SLC13A4: variants seen among roughly 807,000 people sequenced by gnomAD.
SLC13A4 encodes Na(+)/sulfate cotransporter SUT-1.
In SLC13A4, 28 loss-of-function variants were observed where a neutral mutation model predicts 72.7. That is an observed-to-expected ratio of 0.39 (90% CI 0.29 to 0.53). The LOEUF (loss-of-function observed/expected upper bound fraction) is 0.53, where lower values mean the gene tolerates loss of function less well. Among genes scored for constraint, SLC13A4 ranks in the 20% least tolerant of loss-of-function variants. SLC13A4 has a pLI of 0.78. For synonymous variants in SLC13A4, 312 were observed against 325.5 expected (o/e 0.96, Z 0.45); for missense variants, 653 against 788.0 (o/e 0.83, Z 2.05).
chr7:135,722,234 A>G (rs1796563567), intron 1 of SLC13A4, among the ~76,000 whole-genome samples: 1 of 149,972 alleles, frequency 6.7e-6, no homozygotes, highest in Non-Finnish European at 1.5e-5. Flanking sequence ...CTACAGGACT[A>G]TAGAGTACAA....
Position 135,727,453 on chromosome 7 carries a change from A to G in SLC13A4, c.44T>C (p.Leu15Pro), listed in dbSNP as rs905709058. ...QGLLRVRKLL[L>P]VVCVPLLLLP... ...CAGCAGGAGCGGGACGCAGACGACC[A>G]GCAGCAGCTTCCGGACTCGGAGCAG... is the stretch of plus-strand genomic sequence containing the variant. The change falls in exon 1 of 16, where the codon CTG (leucine) becomes CCG (proline). Residue 15 changes from leucine to proline, a missense_variant. Physicochemically the swap from Leu to Pro is moderately conservative, Grantham distance 98 (BLOSUM62 -3). Coordinates refer to ENST00000682651, the MANE Select transcript of SLC13A4 (RefSeq NM_001318192.2). 37 of 1,550,408 alleles carry G rather than the reference A, an allele frequency of 2.4e-5. No individual in the cohort carries two copies. Among genetic ancestry groups the G allele is most frequent in the Non-Finnish European group, 2.8e-5 (32 of 1,146,928 alleles).
chr7:135,708,056 G>T (rs1296429556), intron 3 of SLC13A4, 58 bp downstream of exon 3: 35 of 1,583,710 alleles, frequency 2.2e-5, no homozygotes, highest in Non-Finnish European at 2.9e-5. Flanking sequence ...CACTGTCCTG[G>T]TGGCACACTG....
At chr7:135,701,143 T>C (rs73160724) in intron 7 of SLC13A4, among the ~76,000 whole-genome samples, 7,956 of 152,280 alleles carry the variant, frequency 0.052, 266 homozygotes, top group South Asian at 0.085. Flanking sequence ...CAATGATTGA[T>C]ACATAATAAG....
intron 8 of SLC13A4, 109 bp from the exon 9 acceptor site, chr7:135,695,596 AGATAAT>A: frequency 8.0e-7 from 1 of 1,253,706 alleles, no homozygotes; most frequent in Non-Finnish European, 1.1e-6. Context: ...CTAAGTGGGG[AGATAAT>A]GATAACGATA....
At position 135,695,536 on chromosome 7, in the gene SLC13A4, A is replaced by G. The variant is rs1328966872; in HGVS notation, c.900-49T>C. ...GCAATTAGAAAGGGAGGGTTTCCAT[A>G]TGGTATTTTGGGGTAGTATGCCAAA... On this transcript the variant is annotated intron_variant, in intron 8 of 15. Transcript: ENST00000682651. 2.3e-5 allele frequency: 36 copies of G among 1,587,290 alleles called. No homozygotes were observed. The South Asian group carries it at 3.4e-4, about 15-fold the overall frequency.
In SLC13A4 at chr7:135,701,746, C is replaced by T. The variant is rs1352744319; in HGVS notation, c.648G>A (p.Val216=). The T allele has an allele frequency of 3.1e-6, 5 of 1,613,768 alleles. No homozygotes were observed. The highest frequency in any genetic ancestry group is 4.2e-6 in the Non-Finnish European group (5 of 1,179,860). Residue 216 remains valine, a synonymous_variant, in exon 7 of 16, where the codon GTG becomes GTA. Coordinates refer to ENST00000682651, the MANE Select transcript of SLC13A4 (RefSeq NM_001318192.2). ...TTTTGATGGGGTTGGTGATCGAGGG[C>T]ACACCATTCAGGTTCTGTTGGGACA... ...TLMHNENLNG[V]PSITNPIKTA...
intron 9 of SLC13A4, among the ~76,000 whole-genome samples, chr7:135,694,842 A>G (rs901782495): frequency 6.6e-6 from 1 of 152,228 alleles, no homozygotes; most frequent in Non-Finnish European, 1.5e-5. Flanking sequence ...ACATGGACTA[A>G]TAGCAAAACA....
At chr7:135,726,967 T>C (rs926640623) in intron 1 of SLC13A4, among the ~76,000 whole-genome samples, 2 of 152,122 alleles carry the variant, frequency 1.3e-5, no homozygotes, top group Non-Finnish European at 2.9e-5. Flanking sequence ...CCCAACCTTC[T>C]CCTCAGTGCC....
At chr7:135,711,730 T>C (rs990489004) in intron 2 of SLC13A4, among the ~76,000 whole-genome samples, 3 of 152,156 alleles carry the variant, frequency 2.0e-5, no homozygotes, top group African/African-American at 7.2e-5. Flanking sequence ...CAGCATGAGC[T>C]GGCACACATT....
chr7:135,724,496 C>T (rs1796611120), intron 1 of SLC13A4, among the ~76,000 whole-genome samples: 1 of 80,602 alleles, frequency 1.2e-5, no homozygotes, highest in Admixed American at 1.6e-4. Context: ...GAGACTCTGT[C>T]TCAGAAAAAA....
At chr7:135,706,934 C>T (rs998358070) in intron 3 of SLC13A4, among the ~76,000 whole-genome samples, 2 of 152,234 alleles carry the variant, frequency 1.3e-5, no homozygotes, top group Non-Finnish European at 2.9e-5. Context: ...CTAATTATTT[C>T]TCTTTGGCTT....
At position 135,695,501 on chromosome 7, in the gene SLC13A4, A is replaced by G; in HGVS notation, c.900-14T>C. ...GCTGGATACTGGCTGGAGGGTAAAG[A>G]ACCAGGTCAGCAATTAGAAAGGGAG... On this transcript the variant is annotated splice_polypyrimidine_tract_variant and intron_variant, in intron 8 of 15. Transcript: ENST00000682651. 1 of 1,612,728 alleles carries G rather than the reference A, an allele frequency of 6.2e-7. No individual in the cohort carries two copies. The highest frequency in any genetic ancestry group is 8.5e-7 in the Non-Finnish European group (1 of 1,179,250).
At chr7:135,699,593 G>A (rs1317888222) in intron 7 of SLC13A4, 45 bp from the exon 8 acceptor site, 2 of 1,530,868 alleles carry the variant, frequency 1.3e-6, no homozygotes, top group South Asian at 1.3e-5. Context: ...AGCTTGGGCT[G>A]TCTGGCCGAA....
At chr7:135,721,311 TG>T in intron 2 of SLC13A4, 83 bp downstream of exon 2, 1 of 1,530,864 alleles carries the variant, frequency 6.5e-7, no homozygotes, top group Non-Finnish European at 9.0e-7. Context: ...CGTCAAGTGC[TG>T]GGTGAATCTC....
intron 2 of SLC13A4, among the ~76,000 whole-genome samples, chr7:135,710,420 G>GA (rs1796274427): frequency 6.6e-6 from 1 of 152,072 alleles, no homozygotes; most frequent in Admixed American, 6.6e-5. Context: ...AAAACAAAAA[G>GA]AAAAAATCTT....
In SLC13A4 at chr7:135,681,490, T is replaced by C. The variant is rs1795499610; in HGVS notation, c.*73A>G. ...GTGTGCTCCTGGTGGTCCTAGTGGT[T>C]TTCTTTGCCTGTGGTCCAGATACTG... On this transcript the variant is annotated 3_prime_UTR_variant, in exon 16 of 16. Coordinates refer to ENST00000682651, the MANE Select transcript of SLC13A4 (RefSeq NM_001318192.2). 1 of 1,552,718 alleles carries C rather than the reference T, an allele frequency of 6.4e-7. No individual in the cohort carries two copies. Among genetic ancestry groups the C allele is most frequent in the Non-Finnish European group, 8.7e-7 (1 of 1,144,210 alleles).
intron 5 of SLC13A4, 54 bp downstream of exon 5, chr7:135,705,542 A>G (rs1293119801): frequency 6.5e-7 from 1 of 1,549,906 alleles, no homozygotes; most frequent in Non-Finnish European, 8.9e-7. Flanking sequence ...CTCTTTTCTG[A>G]CCTCCCCTAT....
intron 1 of SLC13A4, among the ~76,000 whole-genome samples, chr7:135,724,260 C>T (rs922293999): frequency 9.2e-5 from 14 of 152,056 alleles, no homozygotes; most frequent in African/African-American, 2.9e-4. Context: ...TATGGGAGGC[C>T]GAGGTGGGTG....
chr7:135,699,576 C>T (rs754685629), intron 7 of SLC13A4, 28 bp from the exon 8 acceptor site: 2 of 1,576,354 alleles, frequency 1.3e-6, no homozygotes, highest in Middle Eastern at 1.9e-4. Context: ...GCAAATCTGT[C>T]CAACCCAGCT....
Sources: gnomAD v4.1 joint callset for allele counts (sites outside exome capture counted in the v4.1 genomes callset) on GRCh38, gnomAD v4.1.1 for gene constraint, MANE v1.5 for transcripts, NCBI Gene and HGNC (gene_info 2026-07-23, HGNC 2026-07-21) for gene names.